KRABD5: variants seen among roughly 807,000 people sequenced by gnomAD.
KRABD5 encodes the protein KRAB domain containing 5.
At chr16:31,724,515 G>A in the KRABD5 span, among the ~76,000 whole-genome samples, 3 of 151,006 alleles carry the variant, frequency 2.0e-5, no homozygotes, top group Admixed American at 6.6e-5. Context: ...ATGAAACCCC[G>A]TCTCTACTAA....
At chr16:31,748,006 T>G in the KRABD5 span, among the ~76,000 whole-genome samples, 1 of 152,176 alleles carries the variant, frequency 6.6e-6, no homozygotes, top group Non-Finnish European at 1.5e-5. Context: ...TAGATCCCAT[T>G]TGTCAATTTT....
At chr16:31,714,005 A>G in the KRABD5 span, among the ~76,000 whole-genome samples, 2 of 152,218 alleles carry the variant, frequency 1.3e-5, no homozygotes, top group Non-Finnish European at 2.9e-5. Flanking sequence ...TAGAAAACGA[A>G]TACATTTCCA....
At chr16:31,718,663 G>A in the KRABD5 span, among the ~76,000 whole-genome samples, 1 of 152,230 alleles carries the variant, frequency 6.6e-6, no homozygotes, top group Admixed American at 6.5e-5. Flanking sequence ...GTACCCAAGA[G>A]TTAGCTGATC....
At chr16:31,723,465 A>C in the KRABD5 span, 3 of 1,057,034 alleles carry the variant, frequency 2.8e-6, no homozygotes, top group Admixed American at 6.2e-5. Flanking sequence ...GATTTTTGAG[A>C]CACCTGGGTT....
chr16:31,739,445 C>T, the KRABD5 span, among the ~76,000 whole-genome samples: 2 of 151,924 alleles, frequency 1.3e-5, no homozygotes, highest in Non-Finnish European at 2.9e-5. Context: ...CTTGCATATG[C>T]CAAGTCACAT....
At chr16:31,735,399 G>A in the KRABD5 span, among the ~76,000 whole-genome samples, 19 of 152,162 alleles carry the variant, frequency 1.2e-4, no homozygotes, top group African/African-American at 2.6e-4. Context: ...TTTTTGACAC[G>A]TTGATTTCCT....
At chr16:31,759,370 A>G in the KRABD5 span, 3 of 1,478,608 alleles carry the variant, frequency 2.0e-6, no homozygotes, top group Non-Finnish European at 1.8e-6. Flanking sequence ...AAATAATCCT[A>G]TGGTGAAAAA....
chr16:31,735,627 G>T, the KRABD5 span, among the ~76,000 whole-genome samples: 6 of 152,030 alleles, frequency 3.9e-5, no homozygotes, highest in African/African-American at 1.4e-4. Flanking sequence ...GGAGTGTGGT[G>T]GTATCTCATT....
At chr16:31,748,205 A>G in the KRABD5 span, among the ~76,000 whole-genome samples, 1 of 152,194 alleles carries the variant, frequency 6.6e-6, no homozygotes, top group African/African-American at 2.4e-5. Flanking sequence ...AGCTTTCTAC[A>G]TATGGCTAGC....
At chr16:31,736,457 G>A in the KRABD5 span, among the ~76,000 whole-genome samples, 2 of 145,420 alleles carry the variant, frequency 1.4e-5, no homozygotes, top group African/African-American at 5.1e-5. Flanking sequence ...TTGGTATTCT[G>A]ATAGAAATTG....
chr16:31,739,090 C>T, the KRABD5 span, among the ~76,000 whole-genome samples: 1 of 152,166 alleles, frequency 6.6e-6, no homozygotes, highest in Non-Finnish European at 1.5e-5. Flanking sequence ...TATGCACCAT[C>T]ATTATAATAC....
At chr16:31,725,360 C>T in the KRABD5 span, among the ~76,000 whole-genome samples, 4 of 152,200 alleles carry the variant, frequency 2.6e-5, no homozygotes, top group South Asian at 4.1e-4. Context: ...TCAAGTGATC[C>T]GCACACCTCG....
the KRABD5 span, chr16:31,723,261 T>A: frequency 2.5e-6 from 4 of 1,613,284 alleles, no homozygotes; most frequent in Admixed American, 6.7e-5. Context: ...AAAACAGGTC[T>A]CGCTGTCTCT....
At chr16:31,723,411 AACCAG>A in the KRABD5 span, 24 of 1,523,710 alleles carry the variant, frequency 1.6e-5, no homozygotes, top group Admixed American at 2.3e-5. Flanking sequence ...ATTAAGAAAG[AACCAG>A]ACCTTGAAGT....
chr16:31,734,234 A>G, the KRABD5 span, among the ~76,000 whole-genome samples: 1 of 149,318 alleles, frequency 6.7e-6, no homozygotes, highest in Non-Finnish European at 1.5e-5. Context: ...CTCTCTTCTA[A>G]CTTTTTTTTT....
chr16:31,724,649 G>A, the KRABD5 span, among the ~76,000 whole-genome samples: 1 of 148,850 alleles, frequency 6.7e-6, no homozygotes, highest in Non-Finnish European at 1.5e-5. Flanking sequence ...CCGAGATCGC[G>A]CCACTGCACT....
chr16:31,740,594 GGCCA>G, the KRABD5 span, among the ~76,000 whole-genome samples: 1 of 151,798 alleles, frequency 6.6e-6, no homozygotes, highest in Non-Finnish European at 1.5e-5. Flanking sequence ...GATCACTTGA[GGCCA>G]GCCTGGGCAG....
At chr16:31,714,052 A>G in the KRABD5 span, among the ~76,000 whole-genome samples, 2 of 152,232 alleles carry the variant, frequency 1.3e-5, no homozygotes, top group Non-Finnish European at 2.9e-5. Context: ...AATTACAAAC[A>G]TTCATTAAAA....
At chr16:31,745,796 G>A in the KRABD5 span, among the ~76,000 whole-genome samples, 1 of 152,120 alleles carries the variant, frequency 6.6e-6, no homozygotes, top group African/African-American at 2.4e-5. Flanking sequence ...ATGAATATGG[G>A]TGTTCCTGTA....
Sources: allele counts gnomAD v4.1 joint callset (sites outside exome capture counted in the v4.1 genomes callset), GRCh38; gene constraint gnomAD v4.1.1; transcripts MANE v1.5; gene names NCBI Gene and HGNC (gene_info 2026-07-23, HGNC 2026-07-21).